NUP133: variants seen among roughly 807,000 people sequenced by gnomAD.
NUP133 encodes the protein nuclear pore complex protein Nup133.
In NUP133, 66 loss-of-function variants were observed where a neutral mutation model predicts 146.2. The ratio of observed to expected loss-of-function variants is 0.45; its 90% confidence interval spans 0.37 to 0.55. The LOEUF is 0.55. Ranked by LOEUF, NUP133 falls within the 20% of genes least tolerant of loss-of-function variation. The probability of loss-of-function intolerance (pLI) is 0.00; values close to 1 mark genes in which losing one functional copy is unlikely to be tolerated. For synonymous variants in NUP133, 521 were observed against 498.8 expected (o/e 1.04, Z -0.59); for missense variants, 1,277 against 1,374.8 (o/e 0.93, Z 1.12).
intron 23 of NUP133, 45 bp downstream of exon 23, chr1:229,450,480 A>G (rs763473052): frequency 1.4e-5 from 13 of 958,688 alleles, no homozygotes; most frequent in South Asian, 7.9e-5. Context: ...CTCTTTTTAT[A>G]TATGTATTCA....
chr1:229,452,816 G>A (rs575313692), intron 21 of NUP133, among the ~76,000 whole-genome samples, 173 bp from the exon 22 acceptor site: 7 of 151,968 alleles, frequency 4.6e-5, no homozygotes, highest in African/African-American at 1.2e-4. Flanking sequence ...CTTGATTGCC[G>A]GTTATGTTTA....
Position 229,441,497 on chromosome 1 carries a change from T to A in NUP133, c.*407A>T. ...GAAACAGATATCAAACACCCTAGAT[T>A]CTCTTCAGTGCAAAGTATCTGGAGT... On this transcript the variant is annotated 3_prime_UTR_variant, in exon 26 of 26. Coordinates refer to ENST00000261396, the MANE Select transcript of NUP133 (RefSeq NM_018230.3). The A allele has an allele frequency of 1.9e-6, 1 of 527,184 alleles. No individual in the cohort carries two copies. The highest frequency in any genetic ancestry group is 1.4e-5 in the South Asian group (1 of 70,112). The allele number at this position is 527,184 out of a possible 1,614,324, so 32.7% of individuals were successfully genotyped here. A position where few individuals can be genotyped will look rare whatever the true frequency, so the allele number is the denominator to read the frequency against.
intron 17 of NUP133, 35 bp downstream of exon 17, chr1:229,465,385 T>C (rs1184745492): frequency 1.4e-6 from 2 of 1,466,534 alleles, no homozygotes; most frequent in Non-Finnish European, 9.5e-7. Context: ...ATTAGAAATA[T>C]ATTTTGAACA....
chr1:229,464,599 C>T (rs935210888), intron 18 of NUP133, 25 bp downstream of exon 18: 2 of 1,608,942 alleles, frequency 1.2e-6, no homozygotes, highest in Non-Finnish European at 1.7e-6. Context: ...AAATTTAAAA[C>T]TCTTGCCAAG....
intron 6 of NUP133, among the ~76,000 whole-genome samples, chr1:229,497,155 A>G (rs1173036705): frequency 6.6e-6 from 1 of 152,228 alleles, no homozygotes; most frequent in Admixed American, 6.5e-5. Context: ...GGTGAAATTT[A>G]TCAAGAGTAT....
chr1:229,461,587 T>C (rs1018404119), intron 19 of NUP133, among the ~76,000 whole-genome samples: 2 of 152,150 alleles, frequency 1.3e-5, no homozygotes, highest in African/African-American at 4.8e-5. Flanking sequence ...TTCCATACTA[T>C]GGAGTTTTAA....
At chr1:229,506,190 T>C in intron 1 of NUP133, 32 bp from the exon 2 acceptor site, 1 of 1,245,146 alleles carries the variant, frequency 8.0e-7, no homozygotes, top group Non-Finnish European at 1.1e-6. Flanking sequence ...ACCTTACTTG[T>C]AACTTAAAAT....
intron 11 of NUP133, among the ~76,000 whole-genome samples, chr1:229,485,069 C>A (rs1386697494): frequency 1.3e-5 from 2 of 152,042 alleles, no homozygotes; most frequent in African/African-American, 4.8e-5. Flanking sequence ...TGATAAAAAT[C>A]TTATGGATAG....
At position 229,496,027 on chromosome 1, in the gene NUP133, A is replaced by G; in HGVS notation, c.840T>C (p.Asp280=). Reference sequence around the variant, plus strand: ...GGCTATAAAAGCTTGATCTCTCTCTATCCCAGAGAACACTTGAAAGCTATT... The same window carrying G: ...GGCTATAAAAGCTTGATCTCTCTCTGTCCCAGAGAACACTTGAAAGCTATT... The part of the protein sequence containing the change: ...SDLTLSSVLW[D]RERSSFYSLT... The change falls in exon 7 of 26, where the codon GAT becomes GAC. Residue 280 remains aspartate (D), a synonymous_variant. Coordinates refer to ENST00000261396, the MANE Select transcript of NUP133 (RefSeq NM_018230.3). The G allele has an allele frequency of 3.8e-6, 6 of 1,590,050 alleles. No homozygotes were observed. The East Asian group carries it at 1.1e-4, about 30-fold the overall frequency.
At chr1:229,496,697 T>C (rs977670691) in intron 6 of NUP133, among the ~76,000 whole-genome samples, 5 of 152,090 alleles carry the variant, frequency 3.3e-5, no homozygotes, top group African/African-American at 9.7e-5. Flanking sequence ...TGAAAAATAA[T>C]GAGGCCAGGC....
chr1:229,463,873 C>A (rs1381288036), intron 18 of NUP133, among the ~76,000 whole-genome samples, 197 bp from the exon 19 acceptor site: 1 of 152,036 alleles, frequency 6.6e-6, no homozygotes, highest in Non-Finnish European at 1.5e-5. Flanking sequence ...AGGCCAGGTG[C>A]GGTGGCTCAC....
chr1:229,464,514 T>G, intron 18 of NUP133, 110 bp downstream of exon 18: 1 of 1,327,698 alleles, frequency 7.5e-7, no homozygotes, highest in South Asian at 1.4e-5. Flanking sequence ...TGCTTTAAGT[T>G]CTTTATTACA....
chr1:229,479,522 C>T (rs551926270), intron 12 of NUP133, among the ~76,000 whole-genome samples: 1 of 152,238 alleles, frequency 6.6e-6, no homozygotes, highest in African/African-American at 2.4e-5. Context: ...CACTGGGGGT[C>T]TTAAGACATA....
At chr1:229,486,347 C>T in intron 11 of NUP133, 24 bp downstream of exon 11, 3 of 1,555,472 alleles carry the variant, frequency 1.9e-6, no homozygotes, top group Non-Finnish European at 2.6e-6. Flanking sequence ...ATAAAAACTT[C>T]AAATTCTTAT....
intron 8 of NUP133, among the ~76,000 whole-genome samples, chr1:229,492,808 A>T (rs1231653097): frequency 6.6e-6 from 1 of 152,092 alleles, no homozygotes; most frequent in Non-Finnish European, 1.5e-5. Flanking sequence ...CATATTGGAT[A>T]CAGTGTACAC....
chr1:229,464,371 C>G (rs995380111), intron 18 of NUP133, among the ~76,000 whole-genome samples: 19 of 152,148 alleles, frequency 1.2e-4, no homozygotes, highest in Non-Finnish European at 2.6e-4. Flanking sequence ...TGATGCTAAG[C>G]TCTTTAAGGG....
Position 229,452,560 on chromosome 1 carries a change from C to T in NUP133, c.3064G>A (p.Ala1022Thr), listed in dbSNP as rs1436750176. Residue 1022 changes from alanine to threonine, a missense_variant, in exon 22 of 26, where the codon GCG becomes ACG. This residue lies in a region of NUP133 where 952 missense variants were observed against 1,047.0 expected (regional missense o/e 0.91). Transcript: ENST00000261396. ...LLAEKQLNLSAMPVLTAPQLI... is the reference protein window; with the variant it reads ...LLAEKQLNLSTMPVLTAPQLI... ...TGTGGTGCAGTCAATACTGGCATCG[C>T]ACTGAGATTTAGCTGTTTCTCCGCC... 2 of 1,613,970 alleles carry T rather than the reference C, an allele frequency of 1.2e-6. No individual in the cohort carries two copies. The highest frequency in any genetic ancestry group is 1.7e-5 in the Admixed American group (1 of 60,020).
At chr1:229,506,308 T>C (rs1661934628) in intron 1 of NUP133, 150 bp from the exon 2 acceptor site, 1 of 494,162 alleles carries the variant, frequency 2.0e-6, no homozygotes, top group African/African-American at 1.9e-5. Context: ...ATATTTTTCA[T>C]GTAAAAAAAA....
intron 11 of NUP133, among the ~76,000 whole-genome samples, chr1:229,485,131 T>C (rs1333997144): frequency 1.3e-5 from 2 of 152,202 alleles, no homozygotes; most frequent in Non-Finnish European, 2.9e-5. Flanking sequence ...TTTACCTGGC[T>C]ATTCCTCTCA....
Sources: allele counts gnomAD v4.1 joint callset (sites outside exome capture counted in the v4.1 genomes callset), GRCh38; gene constraint gnomAD v4.1.1; regional missense constraint gnomAD v4.1.1; transcripts MANE v1.5; gene names NCBI Gene and HGNC (gene_info 2026-07-23, HGNC 2026-07-21).